The following EIPR1 variants were observed in gnomAD, a reference collection of about 807,000 sequenced individuals.
The protein encoded by EIPR1 is EARP and GARP complex-interacting protein 1.
EIPR1 carries 25 observed loss-of-function variants against 48.1 expected under a neutral mutation model. The ratio of observed to expected loss-of-function variants is 0.52; its 90% CI spans 0.38 to 0.73. The LOEUF (loss-of-function observed/expected upper bound fraction) is 0.73. Among genes scored for constraint, EIPR1 ranks in the 30% least tolerant of loss-of-function variants. The probability of loss-of-function intolerance (pLI) is 0.00; values close to 1 mark genes in which losing one functional copy is unlikely to be tolerated. For synonymous variants in EIPR1, 204 were observed against 201.9 expected, an observed-to-expected ratio of 1.01 and a Z score of -0.09; for missense variants, 415 against 506.2, an observed-to-expected ratio of 0.82 and a Z score of 1.73.
At chr2:3,339,679 T>C (rs114717551) in intron 2 of EIPR1, among the ~76,000 whole-genome samples, 10,192 of 152,006 alleles carry the variant, frequency 0.067, 351 homozygotes, top group African/African-American at 0.077. Context: ...CTGGGCGCGG[T>C]GGCTCACGCC....
At chr2:3,298,401 T>G (rs1668665112) in intron 3 of EIPR1, 1 of 152,182 alleles carries the variant, frequency 6.6e-6, no homozygotes, top group East Asian at 1.9e-4. Flanking sequence ...ATCCAAGTCT[T>G]GCTAGTGTCA....
chr2:3,313,077 G>A (rs1669176813), intron 3 of EIPR1, among the ~76,000 whole-genome samples: 1 of 152,166 alleles, frequency 6.6e-6, no homozygotes, highest in African/African-American at 2.4e-5. Flanking sequence ...TCAGCCTCAA[G>A]GAGACCCAGT....
intron 3 of EIPR1, among the ~76,000 whole-genome samples, chr2:3,266,214 GAC>G (rs1376552818): frequency 1.3e-5 from 2 of 152,328 alleles, no homozygotes. Context: ...CTGCCTGGGG[GAC>G]ATAATCTGAT....
At chr2:3,212,849 C>T (rs1006233974) in intron 5 of EIPR1, among the ~76,000 whole-genome samples, 1 of 152,196 alleles carries the variant, frequency 6.6e-6, no homozygotes, top group Non-Finnish European at 1.5e-5. Flanking sequence ...TAATAATTCT[C>T]TTCCTTAAAC....
chr2:3,257,982 C>A (rs1667214257), intron 3 of EIPR1, among the ~76,000 whole-genome samples: 1 of 152,204 alleles, frequency 6.6e-6, no homozygotes, highest in Admixed American at 6.5e-5. Context: ...GAAGGTAATG[C>A]CATTCAGAGG....
chr2:3,312,035 C>T lies in EIPR1; in HGVS notation c.259+25982G>A, dbSNP rs1209457628. Among the ~76,000 whole-genome samples the T allele has an allele frequency of 5.9e-5, 9 of 152,198 alleles. No individual in the cohort carries two copies. Among genetic ancestry groups the T allele is most frequent in the Admixed American group, 4.6e-4 (7 of 15,276 alleles). On this transcript the variant is annotated intron_variant, in intron 3 of 8. Transcript: ENST00000382125. This position sits in a 1 kb window ranked among gnomAD's most constrained non-coding sequence, Gnocchi z 5.5. ...GCTGACATACAAATGACACCCTCCA[C>T]CCTATAGCTTTCATTGACCCAAGAT... is the stretch of plus-strand genomic sequence containing the variant.
intron 3 of EIPR1, among the ~76,000 whole-genome samples, chr2:3,298,055 A>G (rs182303381): frequency 9.0e-4 from 137 of 152,362 alleles, no homozygotes; most frequent in Non-Finnish European, 1.6e-3. Context: ...AGAGGGGGTC[A>G]TCACCAAAAG....
chr2:3,191,581 C>T lies in EIPR1; in HGVS notation c.989+833G>A, dbSNP rs372225596. Among the ~76,000 whole-genome samples the T allele has an allele frequency of 1.4e-4, 21 of 152,358 alleles. No homozygotes were observed. In the South Asian group the frequency reaches 4.4e-3, roughly 32 times the overall value. On this transcript the variant is annotated intron_variant, in intron 8 of 8. Transcript: ENST00000382125. ...TGACAGACCCCATCGTATCTAAGGG[C>T]TCTGTCCAACTTCACAAGGTTTTAT...
intron 3 of EIPR1, among the ~76,000 whole-genome samples, chr2:3,309,388 T>G (rs926087805): frequency 6.6e-6 from 1 of 152,108 alleles, no homozygotes; most frequent in Non-Finnish European, 1.5e-5. Flanking sequence ...AATGGAGTAT[T>G]AAAAAACGTT....
intron 3 of EIPR1, among the ~76,000 whole-genome samples, chr2:3,317,829 G>A (rs1217211038): frequency 6.6e-6 from 1 of 152,192 alleles, no homozygotes; most frequent in Non-Finnish European, 1.5e-5. Context: ...GGTGAGAAGG[G>A]ACCGATGGCA....
intron 1 of EIPR1, among the ~76,000 whole-genome samples, chr2:3,368,832 A>G (rs982398501): frequency 1.3e-5 from 2 of 152,222 alleles, no homozygotes; most frequent in Non-Finnish European, 2.9e-5. Flanking sequence ...ATATAATTAT[A>G]AAAAAATCCA....
intron 3 of EIPR1, among the ~76,000 whole-genome samples, chr2:3,293,758 G>A (rs564002474): frequency 6.6e-6 from 1 of 152,312 alleles, no homozygotes; most frequent in South Asian, 2.1e-4. Flanking sequence ...AGGACGCAGA[G>A]GCAGCCTGTT....
intron 3 of EIPR1, among the ~76,000 whole-genome samples, chr2:3,301,939 G>A (rs934287016): frequency 6.6e-6 from 1 of 152,200 alleles, no homozygotes; most frequent in South Asian, 2.1e-4. Flanking sequence ...GCCAGAAGGC[G>A]GAGCAGCGCA....
intron 4 of EIPR1, among the ~76,000 whole-genome samples, chr2:3,252,312 C>T (rs1388593437): frequency 6.6e-6 from 1 of 152,042 alleles, no homozygotes; most frequent in Non-Finnish European, 1.5e-5. Flanking sequence ...CAAAACGGGC[C>T]ACGTGCAACA....
At chr2:3,338,391 T>C (rs1670131709) in intron 2 of EIPR1, among the ~76,000 whole-genome samples, 1 of 152,198 alleles carries the variant, frequency 6.6e-6, no homozygotes, top group African/African-American at 2.4e-5. Context: ...AAGACTGCCA[T>C]CCGGTCATAT....
intron 4 of EIPR1, among the ~76,000 whole-genome samples, chr2:3,240,644 A>G (rs879057811): frequency 9.9e-5 from 1 of 10,108 alleles, no homozygotes. Context: ...TCCCTCCTAA[A>G]GAAAAGCCAG....
Position 3,194,029 on chromosome 2 carries a change from G to A in EIPR1, c.791C>T (p.Pro264Leu). 1 of 1,613,814 alleles carries A rather than the reference G, an allele frequency of 6.2e-7. No individual in the cohort carries two copies. Among genetic ancestry groups the A allele is most frequent in the South Asian group, 1.1e-5 (1 of 91,074 alleles). The change falls in exon 7 of 9, where the codon CCC becomes CTC. Residue 264 changes from proline (P) to leucine (L), a missense_variant. Transcript: ENST00000382125. ...KFWDTRNVTEPVKTLEEHSHW... is the reference protein window; with the variant it reads ...KFWDTRNVTELVKTLEEHSHW... Reference sequence around the variant, plus strand: ...GGAGTGCTCCTCCAGGGTCTTCACGGGTTCGGTGACATTTCGGGTGTCCCA... The same window carrying A: ...GGAGTGCTCCTCCAGGGTCTTCACGAGTTCGGTGACATTTCGGGTGTCCCA...
At chr2:3,238,646 A>C (rs1183040851) in intron 4 of EIPR1, among the ~76,000 whole-genome samples, 1 of 152,210 alleles carries the variant, frequency 6.6e-6, no homozygotes, top group African/African-American at 2.4e-5. Context: ...GTGGAAAATT[A>C]ACTCTGAATA....
chr2:3,371,676 AG>A (rs1671118535), intron 1 of EIPR1, among the ~76,000 whole-genome samples: 1 of 152,258 alleles, frequency 6.6e-6, no homozygotes, highest in African/African-American at 2.4e-5. Flanking sequence ...CAACAACAAG[AG>A]CTAACTATCC....
Sources: allele counts gnomAD v4.1 joint callset (sites outside exome capture counted in the v4.1 genomes callset), GRCh38; gene constraint gnomAD v4.1.1; non-coding constraint Gnocchi (gnomAD v3.1); transcripts MANE v1.5; gene names NCBI Gene and HGNC (gene_info 2026-07-23, HGNC 2026-07-21).